Variants in TRIOBP observed in about 807,000 individuals in gnomAD.
TRIOBP encodes the protein TRIO and F-actin-binding protein.
In TRIOBP, 169 loss-of-function variants were observed where a neutral mutation model predicts 238.8. The ratio of observed to expected loss-of-function variants is 0.71; its 90% CI spans 0.62 to 0.80. The LOEUF (loss-of-function observed/expected upper bound fraction) is 0.80, where lower values mean the gene tolerates loss of function less well. Ranked by LOEUF, TRIOBP falls within the 30% of genes least tolerant of loss-of-function variation. The pLI, the probability that TRIOBP is intolerant of heterozygous loss-of-function variation, is 0.00. For missense variants in TRIOBP, 2,838 were observed against 3,122.6 expected (o/e 0.91, Z 2.17); for synonymous variants, 1,150 against 1,274.4 (o/e 0.90, Z 2.08).
Position 37,765,783 on chromosome 22 carries a change from G to A in TRIOBP, c.6438G>A (p.Trp2146Ter). 6.3e-7 allele frequency: 1 copy of A among 1,590,584 alleles called. No homozygotes were observed. Among genetic ancestry groups the A allele is most frequent in the Non-Finnish European group, 8.5e-7 (1 of 1,171,268 alleles). ...AGCGCCTGCAGCAGGAGAAGGAGTG[G>A]CTCCTGGCTGAGGAGACGGCAGCCA... ...ELQRLQQEKE[W>*]LLAEETAATA... is the part of the protein sequence containing the mutation. Residue 2146 changes from tryptophan to a stop codon, truncating the protein, a stop_gained, in exon 18 of 24, where the codon TGG becomes TGA. Coordinates refer to ENST00000644935, the MANE Select transcript of TRIOBP (RefSeq NM_001039141.3). LOFTEE classifies it high-confidence loss of function.
At position 37,734,898 on chromosome 22, in the gene TRIOBP, G is replaced by A. The variant is rs745863591; in HGVS notation, c.4562G>A (p.Gly1521Asp). 1.9e-6 allele frequency: 3 copies of A among 1,613,240 alleles called. No homozygotes were observed. The highest frequency in any genetic ancestry group is 1.1e-5 in the South Asian group (1 of 91,088). The change falls in exon 9 of 24, where the codon GGC becomes GAC. Residue 1521 changes from glycine to aspartate, a missense_variant. Coordinates refer to ENST00000644935, the MANE Select transcript of TRIOBP (RefSeq NM_001039141.3). ...PLTSPPENWGGPAESSQSWHS... is the reference protein window; with the variant it reads ...PLTSPPENWGDPAESSQSWHS... ...ACGAGCCCCCCTGAGAACTGGGGAG[G>A]CCCCGCAGAGTCCTCACAATCCTGG...
rs1171032784 is a variant in TRIOBP at position 37,723,351 on chromosome 22, C to G, written c.795C>G (p.Asp265Glu). The G allele has an allele frequency of 6.2e-7, 1 of 1,614,090 alleles. No homozygotes were observed. Among genetic ancestry groups the G allele is most frequent in the South Asian group, 1.1e-5 (1 of 91,086 alleles). ...TTSQASPAQR[D>E]TAQAASTREI... ...CTCAGGCTTCTCCTGCCCAAAGGGACACTGCTCAGGCTGCCTCTACACGTG... is the reference window on the plus strand; with the variant it reads ...CTCAGGCTTCTCCTGCCCAAAGGGAGACTGCTCAGGCTGCCTCTACACGTG... Residue 265 changes from aspartate to glutamate, a missense_variant, in exon 7 of 24, where the codon GAC becomes GAG. By Grantham distance (45) the Asp-to-Glu change is conservative (BLOSUM62 2). This residue lies in a region of TRIOBP where 535 missense variants were observed against 537.3 expected (regional missense o/e 1.00). Coordinates refer to ENST00000644935, the MANE Select transcript of TRIOBP (RefSeq NM_001039141.3).
At chr22:37,743,144 G>A (rs1187509659) in intron 11 of TRIOBP, among the ~76,000 whole-genome samples, 3 of 152,204 alleles carry the variant, frequency 2.0e-5, no homozygotes, top group African/African-American at 4.8e-5. Context: ...GTTGGCTACA[G>A]TGGTTCTCTC....
chr22:37,733,437 C>A, intron 8 of TRIOBP, 25 bp downstream of exon 8: 1 of 1,533,122 alleles, frequency 6.5e-7, no homozygotes, highest in Non-Finnish European at 8.8e-7. Context: ...CTGTCTGGGG[C>A]CCCGCACCCC....
At chr22:37,704,945 C>T (rs1922857456) in intron 3 of TRIOBP, among the ~76,000 whole-genome samples, 1 of 151,114 alleles carries the variant, frequency 6.6e-6, no homozygotes, top group African/African-American at 2.4e-5. Flanking sequence ...GGATGGTGCA[C>T]ACCTGTAGTC....
In TRIOBP at chr22:37,759,504, G is replaced by A. The variant is rs876658038; in HGVS notation, c.6324+240G>A. 31 of 1,606,468 alleles carry A rather than the reference G, an allele frequency of 1.9e-5. No homozygotes were observed. The highest frequency in any genetic ancestry group is 2.6e-5 in the Non-Finnish European group (31 of 1,176,690). ...TGACTTGCCCAAGGTCACCCCGCCT[G>A]CAGGTCTCAAAGGTGGGATTTGAGC... On this transcript the variant is annotated intron_variant, in intron 17 of 23. Transcript: ENST00000644935.
Position 37,725,738 on chromosome 22 carries a change from C to G in TRIOBP, c.3182C>G (p.Pro1061Arg). ...PPHHEPPYIP[P>R]AVCIGHRDAP... ...CACCACGAGCCTCCCTATATACCAC[C>G]TGCTGTGTGCATTGGACACCGAGAT... Residue 1061 changes from proline to arginine, a missense_variant, in exon 7 of 24, where the codon CCT (proline) becomes CGT (arginine). Coordinates refer to ENST00000644935, the MANE Select transcript of TRIOBP (RefSeq NM_001039141.3). The G allele has an allele frequency of 1.2e-6, 2 of 1,612,830 alleles. No homozygotes were observed. Among genetic ancestry groups the G allele is most frequent in the South Asian group, 1.1e-5 (1 of 90,970 alleles).
chr22:37,705,908 G>A (rs911904986), intron 3 of TRIOBP, among the ~76,000 whole-genome samples: 4 of 152,076 alleles, frequency 2.6e-5, no homozygotes, highest in South Asian at 2.1e-4. Context: ...AGGGAGTGAC[G>A]TGCTCTGATT....
chr22:37,756,297 C>T (rs1161380105), intron 15 of TRIOBP, among the ~76,000 whole-genome samples: 1 of 152,010 alleles, frequency 6.6e-6, no homozygotes, highest in Non-Finnish European at 1.5e-5. Context: ...CTCGTCCCTA[C>T]AAAAAATTTA....
At chr22:37,707,379 A>C (rs975747041) in intron 3 of TRIOBP, among the ~76,000 whole-genome samples, 1 of 152,096 alleles carries the variant, frequency 6.6e-6, no homozygotes, top group Non-Finnish European at 1.5e-5. Flanking sequence ...CTCTGGACCT[A>C]TTCCATGGTG....
rs1030224051 is a variant in TRIOBP, at chr22:37,759,227, A to G, written c.6287A>G (p.Gln2096Arg). Reference protein sequence around the residue: ...GEAPQSALRSQEDGHIPPGYI... With the variant: ...GEAPQSALRSREDGHIPPGYI... The stretch of plus-strand genomic sequence containing the variant: ...GCTCCTCAGAGTGCACTGAGATCCC[A>G]GGAGGATGGCCACATCCCCCCGGGC... The change falls in exon 17 of 24, where the codon CAG (glutamine) becomes CGG (arginine). Residue 2096 changes from glutamine (Q) to arginine (R), a missense_variant. By Grantham distance (43) the Gln-to-Arg change is conservative (BLOSUM62 1). Transcript: ENST00000644935. 2.5e-6 allele frequency: 4 copies of G among 1,612,870 alleles called. No homozygotes were observed. The highest frequency in any genetic ancestry group is 1.3e-5 in the African/African-American group (1 of 74,842).
chr22:37,746,497 C>T lies in TRIOBP; in HGVS notation c.5323-5275C>T, dbSNP rs1925278998. ...CCCGAGGCAGAGCCCAGCCTCTCCC[C>T]TCCGGGGCAGCCCCCTCCTCATTTC... is the stretch of plus-strand genomic sequence containing the variant. On this transcript the variant is annotated intron_variant, in intron 11 of 23. Transcript: ENST00000644935. The T allele has an allele frequency of 3.2e-6, 4 of 1,246,292 alleles. 1 individual carries two copies. In the East Asian group the frequency reaches 1.2e-4, roughly 39 times the overall value. The allele number at this position is 1,246,292 out of a possible 1,614,324, so 77.2% of individuals were successfully genotyped here.
Position 37,746,044 on chromosome 22 carries a change from C to CCCCGCCGTCCCGCCGTCCCGCCGT in TRIOBP, c.5322+5035_5322+5036insTCCCGCCGTCCCGCCGTCCCGCCG, listed in dbSNP as rs1180717810. 4.3e-3 allele frequency among the ~76,000 whole-genome samples: 584 copies of CCCCGCCGTCCCGCCGTCCCGCCGT among 134,616 alleles called. 11 individuals are homozygous for CCCCGCCGTCCCGCCGTCCCGCCGT. Among genetic ancestry groups the CCCCGCCGTCCCGCCGTCCCGCCGT allele is most frequent in the East Asian group, 0.012 (53 of 4,296 alleles). The allele number at this position is 134,616 out of a possible 152,430, so 88.3% of individuals were successfully genotyped here. On this transcript the variant is annotated intron_variant, in intron 11 of 23. Coordinates refer to ENST00000644935, the MANE Select transcript of TRIOBP (RefSeq NM_001039141.3). ...CCTTCCCTGCGGCCCCATCCGCCCACCCCGCCGTCCCGCCGTCCCGCCGCC... is the reference window on the plus strand; with the variant it reads ...CCTTCCCTGCGGCCCCATCCGCCCACCCCGCCGTCCCGCCGTCCCGCCGTCCCGCCGTCCCGCCGTCCCGCCGCC...
In TRIOBP at chr22:37,715,551, C is replaced by G. The variant is rs138619148; in HGVS notation, c.457-212C>G. ...GTAGAGATGGGGTTTCACCATGTTT[C>G]CCAGGATGGTCTCGATCTCCTGACC... On this transcript the variant is annotated intron_variant, in intron 5 of 23. Transcript: ENST00000644935. 2.8e-4 allele frequency among the ~76,000 whole-genome samples: 43 copies of G among 151,606 alleles called. No homozygotes were observed. In the East Asian group the frequency reaches 7.0e-3, roughly 25 times the overall value.
intron 6 of TRIOBP, among the ~76,000 whole-genome samples, chr22:37,720,868 T>G (rs1185328492): frequency 6.6e-6 from 1 of 152,004 alleles, no homozygotes; most frequent in Non-Finnish European, 1.5e-5. Flanking sequence ...TTTTGTTTTT[T>G]GTTTTCTGAG....
chr22:37,767,754 A>G lies in TRIOBP; in HGVS notation c.6473-320A>G, dbSNP rs552861131. Among the ~76,000 whole-genome samples the G allele has an allele frequency of 3.3e-5, 5 of 152,268 alleles. 1 individual carries two copies. In the South Asian group the frequency reaches 1.0e-3, roughly 32 times the overall value. On this transcript the variant is annotated intron_variant, in intron 18 of 23. Coordinates refer to ENST00000644935, the MANE Select transcript of TRIOBP (RefSeq NM_001039141.3). Reference sequence around the variant, plus strand: ...GGTCCTACCTGGAAATCACTAGAACAGGAGGTACCAATGGTCAGACCCTGA... The same window carrying G: ...GGTCCTACCTGGAAATCACTAGAACGGGAGGTACCAATGGTCAGACCCTGA...
At chr22:37,759,460 T>G (rs759647487) in intron 17 of TRIOBP, 196 bp downstream of exon 17, 3 of 1,515,122 alleles carry the variant, frequency 2.0e-6, no homozygotes, top group Middle Eastern at 1.7e-4. Context: ...ACAAGGCCAC[T>G]GAGCTCTGAG....
chr22:37,739,667 A>G (rs879317658), intron 10 of TRIOBP, among the ~76,000 whole-genome samples: 2 of 152,154 alleles, frequency 1.3e-5, no homozygotes, highest in African/African-American at 2.4e-5. Flanking sequence ...GTGGCTTCGA[A>G]CGGCAGTGCT....
In TRIOBP at chr22:37,734,980, G is replaced by A. The variant is rs751837607; in HGVS notation, c.4644G>A (p.Pro1548=). 2.4e-5 allele frequency: 39 copies of A among 1,613,458 alleles called. No homozygotes were observed. The highest frequency in any genetic ancestry group is 9.3e-5 in the African/African-American group (7 of 75,032). The change falls in exon 9 of 24, where the codon CCG becomes CCA. Residue 1548 remains proline, a synonymous_variant. Transcript: ENST00000644935. ...GGGCAGAGGGAGCGTGTCCATACCC[G>A]CGTGGCTCTGAGAGGCGACCCGAGC... ...GWGAEGACPY[P]RGSERRPELD...
Sources: gnomAD v4.1 joint callset for allele counts (sites outside exome capture counted in the v4.1 genomes callset) on GRCh38, gnomAD v4.1.1 for gene constraint, gnomAD v4.1.1 regional missense constraint, MANE v1.5 for transcripts, NCBI Gene and HGNC (gene_info 2026-07-23, HGNC 2026-07-21) for gene names.